ARAP2: variants seen among roughly 807,000 people sequenced by gnomAD.
ARAP2 encodes the protein ArfGAP with RhoGAP domain, ankyrin repeat and PH domain 2.
Under a neutral mutation model 194.5 loss-of-function variants are expected in ARAP2, and 148 were observed. That is an observed-to-expected ratio of 0.76 (90% confidence interval 0.67 to 0.87). The LOEUF (loss-of-function observed/expected upper bound fraction) is 0.87. Ranked by LOEUF, ARAP2 falls within the 40% of genes least tolerant of loss-of-function variation. The probability of loss-of-function intolerance (pLI) is 0.00; values close to 1 mark genes in which losing one functional copy is unlikely to be tolerated. For missense variants in ARAP2, 2,128 were observed against 1,989.7 expected, an observed-to-expected ratio of 1.07 and a Z score of -1.32; for synonymous variants, 695 against 683.5, an observed-to-expected ratio of 1.02 and a Z score of -0.26.
intron 8 of ARAP2, among the ~76,000 whole-genome samples, chr4:36,185,819 C>CA (rs971413315): frequency 7.4e-5 from 11 of 149,410 alleles, no homozygotes; most frequent in Admixed American, 6.7e-4. Context: ...CTACTAGATA[C>CA]AAAAAAAAAT....
chr4:36,222,454 C>T (rs1056434021), intron 2 of ARAP2, among the ~76,000 whole-genome samples: 6 of 151,682 alleles, frequency 4.0e-5, no homozygotes, highest in African/African-American at 4.8e-5. Context: ...AAACATTATA[C>T]AAGTTATTAT....
intron 6 of ARAP2, 46 bp downstream of exon 6, chr4:36,210,344 A>G: frequency 1.3e-6 from 2 of 1,515,562 alleles, no homozygotes; most frequent in Non-Finnish European, 1.8e-6. Flanking sequence ...ATAAACTTGA[A>G]ATTTTAAAAA....
intron 27 of ARAP2, among the ~76,000 whole-genome samples, chr4:36,098,652 C>T (rs1024830797): frequency 2.0e-5 from 3 of 151,836 alleles, no homozygotes; most frequent in Admixed American, 6.6e-5. Flanking sequence ...TTTGGAAAAC[C>T]AATCCTTGTC....
rs149936058 is a variant in ARAP2 at position 36,111,242 on chromosome 4, A to C, written c.4156+2928T>G. On this transcript the variant is annotated intron_variant, in intron 26 of 32. Coordinates refer to ENST00000303965, the MANE Select transcript of ARAP2 (RefSeq NM_015230.4). ...CCTGGCTGACATTCTTCTCAACTACAACCTTCTTACTACCTATGCCTTTAC... is the reference window on the plus strand; with the variant it reads ...CCTGGCTGACATTCTTCTCAACTACCACCTTCTTACTACCTATGCCTTTAC... Among the ~76,000 whole-genome samples, 53 of 151,982 alleles carry C rather than the reference A, an allele frequency of 3.5e-4. No individual in the cohort carries two copies. The East Asian group carries it at 9.7e-3, about 28-fold the overall frequency.
intron 10 of ARAP2, chr4:36,006,146 C>G (rs1339914018): frequency 6.6e-6 from 1 of 152,124 alleles, no homozygotes; most frequent in Non-Finnish European, 1.5e-5. Flanking sequence ...ATCCAAGGAC[C>G]ACAACATGGA....
chr4:36,035,854 ATGTC>A (rs1225076069), intron 5 of ARAP2, among the ~76,000 whole-genome samples: 1 of 152,162 alleles, frequency 6.6e-6, no homozygotes, highest in Non-Finnish European at 1.5e-5. Flanking sequence ...GTTTTTCCAT[ATGTC>A]TGTCCATCTA....
intron 20 of ARAP2, among the ~76,000 whole-genome samples, chr4:36,131,277 T>C (rs780843571): frequency 2.0e-5 from 3 of 151,252 alleles, no homozygotes; most frequent in African/African-American, 2.4e-5. Flanking sequence ...CTTATAGTAG[T>C]GCCCAATATG....
chr4:36,220,223 GCA>G (rs1053344887), intron 2 of ARAP2, among the ~76,000 whole-genome samples: 26 of 151,148 alleles, frequency 1.7e-4, no homozygotes, highest in African/African-American at 6.4e-4. Context: ...TTACATATAG[GCA>G]CACGTGTGTG....
rs540702486 is a variant in ARAP2 at position 36,181,254 on chromosome 4, G to A, written c.1679-3249C>T. ...AATAGCATTCCAGGCTGGACAAAAAGAAAGGGAGTGGGGAAAGCAAAGAAT... is the reference window on the plus strand; with the variant it reads ...AATAGCATTCCAGGCTGGACAAAAAAAAAGGGAGTGGGGAAAGCAAAGAAT... On this transcript the variant is annotated intron_variant, in intron 8 of 32. Transcript: ENST00000303965. Among the ~76,000 whole-genome samples, 16 of 152,280 alleles carry A rather than the reference G, an allele frequency of 1.1e-4. No individual in the cohort carries two copies. In the East Asian group the frequency reaches 2.9e-3, roughly 28 times the overall value.
In ARAP2 at chr4:36,229,503, C is replaced by A. The variant is rs1426197532; in HGVS notation, c.-17G>T. ...TGAGGACATAATGGTGGCTTCATTACTAAGCTGAGTTACAAAAAGTGGCAC... is the reference window on the plus strand; with the variant it reads ...TGAGGACATAATGGTGGCTTCATTAATAAGCTGAGTTACAAAAAGTGGCAC... On this transcript the variant is annotated 5_prime_UTR_variant, in exon 2 of 33. Coordinates refer to ENST00000303965, the MANE Select transcript of ARAP2 (RefSeq NM_015230.4). 2 of 1,573,188 alleles carry A rather than the reference C, an allele frequency of 1.3e-6. 1 individual carries two copies. Among genetic ancestry groups the A allele is most frequent in the South Asian group, 2.3e-5 (2 of 85,210 alleles).
At chr4:36,054,254 A>G (rs1723139941) in intron 2 of ARAP2, among the ~76,000 whole-genome samples, 1 of 152,064 alleles carries the variant, frequency 6.6e-6, no homozygotes, top group Non-Finnish European at 1.5e-5. Context: ...TATACCCCCA[A>G]AGTTTTCTCT....
Position 36,150,976 on chromosome 4 carries a change from T to C in ARAP2, c.2821A>G (p.Thr941Ala). Residue 941 changes from threonine (T) to alanine (A), a missense_variant, in exon 16 of 33, where the codon ACA (threonine) becomes GCA (alanine). Thr to Ala is a moderately conservative substitution (Grantham distance 58). Coordinates refer to ENST00000303965, the MANE Select transcript of ARAP2 (RefSeq NM_015230.4). ...LSYYENDKST[T>A]PNGTININEV... ...TTGATATTAATGGTGCCATTAGGTG[T>C]GGTAGACTTATCATTTTCATAGTAA... The C allele has an allele frequency of 6.2e-7, 1 of 1,612,690 alleles. No individual in the cohort carries two copies.
chr4:36,033,950 A>G (rs1341842948), intron 5 of ARAP2, among the ~76,000 whole-genome samples: 1 of 151,980 alleles, frequency 6.6e-6, no homozygotes, highest in Non-Finnish European at 1.5e-5. Context: ...TGAAAATCAG[A>G]TGGTTGCAGG....
chr4:36,119,731 T>C lies in ARAP2; in HGVS notation c.3895-13A>G, dbSNP rs371089339. 2.6e-6 allele frequency: 4 copies of C among 1,555,402 alleles called. No homozygotes were observed. In the African/African-American group the frequency reaches 5.4e-5, roughly 21 times the overall value. On this transcript the variant is annotated splice_polypyrimidine_tract_variant and intron_variant, in intron 23 of 32. Coordinates refer to ENST00000303965, the MANE Select transcript of ARAP2 (RefSeq NM_015230.4). ...GATCTTCTTTAACCTGTTTAAAATATAATTCGGGACATTCTAATAATGTAG... is the reference window on the plus strand; with the variant it reads ...GATCTTCTTTAACCTGTTTAAAATACAATTCGGGACATTCTAATAATGTAG...
intron 6 of ARAP2, chr4:36,209,351 A>G (rs1313977148): frequency 1.3e-5 from 6 of 450,204 alleles, no homozygotes; most frequent in Admixed American, 2.4e-5. Context: ...GTAACCAGAA[A>G]GAAGTGACAC....
chr4:36,092,021 C>A lies in ARAP2; in HGVS notation c.4286-1G>T. Reference sequence around the variant, plus strand: ...TTGATGCTTCCCAGTGTACTCCGGTCTGTAAAGTACAGCATTACTTTTGTG... The same window carrying A: ...TTGATGCTTCCCAGTGTACTCCGGTATGTAAAGTACAGCATTACTTTTGTG... On this transcript the variant is annotated splice_acceptor_variant, in intron 27 of 32. Coordinates refer to ENST00000303965, the MANE Select transcript of ARAP2 (RefSeq NM_015230.4). LOFTEE classifies it high-confidence loss of function. 1 of 1,546,244 alleles carries A rather than the reference C, an allele frequency of 6.5e-7. No homozygotes were observed. Among genetic ancestry groups the A allele is most frequent in the South Asian group, 1.2e-5 (1 of 81,310 alleles).
At chr4:36,175,479 A>G (rs1737679009) in intron 9 of ARAP2, among the ~76,000 whole-genome samples, 1 of 152,220 alleles carries the variant, frequency 6.6e-6, no homozygotes, top group African/African-American at 2.4e-5. Context: ...ATGGTATGCC[A>G]GGGCCTGAAC....
In ARAP2 at chr4:36,007,723, C is replaced by T. The variant is rs140057671; in HGVS notation, n.1326-677G>A. On this transcript the variant is annotated intron_variant and non_coding_transcript_variant, in intron 9 of 12. Coordinates refer to the ARAP2 transcript ENST00000503225. Reference sequence around the variant, plus strand: ...GGTAATTTCAACTGACATTGAATCTCAATGATATTAAATGTTATTAATCAT... The same window carrying T: ...GGTAATTTCAACTGACATTGAATCTTAATGATATTAAATGTTATTAATCAT... Among the ~76,000 whole-genome samples, 8 of 152,250 alleles carry T rather than the reference C, an allele frequency of 5.3e-5. No homozygotes were observed. The East Asian group carries it at 1.5e-3, about 29-fold the overall frequency.
chr4:36,133,624 T>C (rs114905516), intron 19 of ARAP2, among the ~76,000 whole-genome samples: 20 of 151,924 alleles, frequency 1.3e-4, no homozygotes, highest in Non-Finnish European at 2.4e-4. Flanking sequence ...TAGCCTCTTT[T>C]ATTCTCTTTC....
Sources: allele counts gnomAD v4.1 joint callset (sites outside exome capture counted in the v4.1 genomes callset), GRCh38; gene constraint gnomAD v4.1.1; transcripts MANE v1.5; gene names NCBI Gene and HGNC (gene_info 2026-07-23, HGNC 2026-07-21).